Variants in RMP24 observed in about 807,000 individuals in gnomAD.
The protein encoded by RMP24 is ribonuclease MRP subunit p24.
chr18:35,973,020 A>C, the RMP24 span: 3 of 1,387,158 alleles, frequency 2.2e-6, no homozygotes, highest in Non-Finnish European at 1.0e-6. Context: ...AAAAACAACA[A>C]CAACAAAGCC....
At chr18:35,977,406 G>T in the RMP24 span, 9 of 1,601,614 alleles carry the variant, frequency 5.6e-6, no homozygotes, top group South Asian at 8.9e-5. Flanking sequence ...TATTTTTATG[G>T]TAGTTGATCA....
the RMP24 span, among the ~76,000 whole-genome samples, chr18:35,974,434 G>C: frequency 6.6e-6 from 1 of 152,158 alleles, no homozygotes; most frequent in Admixed American, 6.5e-5. Context: ...GTGGTCTTTA[G>C]CTTTATAAGT....
At chr18:35,977,671 A>AT in the RMP24 span, 1 of 1,473,410 alleles carries the variant, frequency 6.8e-7, no homozygotes, top group Non-Finnish European at 9.2e-7. Flanking sequence ...TGTTTAATAT[A>AT]TACTCCCTAA....
chr18:35,972,784 C>T, the RMP24 span: 3 of 1,614,020 alleles, frequency 1.9e-6, no homozygotes, highest in South Asian at 1.1e-5. Context: ...GACAGCTGCC[C>T]GGGCCAAGCC....
the RMP24 span, chr18:35,972,874 C>T: frequency 2.9e-5 from 47 of 1,614,066 alleles, no homozygotes; most frequent in African/African-American, 1.3e-4. Context: ...AAGTCTCTTT[C>T]TCTTTTACAG....
chr18:35,977,348 T>C, the RMP24 span: 2 of 1,458,174 alleles, frequency 1.4e-6, no homozygotes, highest in Non-Finnish European at 1.9e-6. Flanking sequence ...AATGAACCTG[T>C]GGTTTATGGG....
chr18:35,975,241 A>G, the RMP24 span: 4 of 659,728 alleles, frequency 6.1e-6, no homozygotes, highest in Admixed American at 3.3e-5. Context: ...ACACTTCTCT[A>G]ATGATTAGTG....
At chr18:35,977,439 A>C in the RMP24 span, 1 of 1,613,616 alleles carries the variant, frequency 6.2e-7, no homozygotes, top group Non-Finnish European at 8.5e-7. Flanking sequence ...GCAACAGAAC[A>C]GTGAAACATC....
the RMP24 span, among the ~76,000 whole-genome samples, chr18:35,975,432 A>G: frequency 6.6e-6 from 1 of 152,176 alleles, no homozygotes; most frequent in Non-Finnish European, 1.5e-5. Context: ...TTTTCAGTTA[A>G]TGCTCCTTTG....
chr18:35,975,026 G>C, the RMP24 span: 1 of 1,614,060 alleles, frequency 6.2e-7, no homozygotes, highest in East Asian at 2.2e-5. Context: ...ATCGAGAAGC[G>C]AGAAACTATA....
At chr18:35,979,016 G>A in the RMP24 span, 1 of 1,555,604 alleles carries the variant, frequency 6.4e-7, no homozygotes, top group Non-Finnish European at 8.6e-7. Context: ...AGAAATGCCT[G>A]ATGTCAATTC....
the RMP24 span, chr18:35,972,696 T>G: frequency 6.3e-7 from 1 of 1,582,706 alleles, no homozygotes; most frequent in Non-Finnish European, 8.6e-7. Flanking sequence ...CTCACCTGGT[T>G]CCCGCGGCGA....
chr18:35,972,796 G>T, the RMP24 span: 3 of 1,614,148 alleles, frequency 1.9e-6, no homozygotes, highest in Non-Finnish European at 1.7e-6. Context: ...GGCCAAGCCC[G>T]CTACCTCCTG....
chr18:35,974,788 T>C, the RMP24 span: 2 of 994,980 alleles, frequency 2.0e-6, no homozygotes. Flanking sequence ...TTACTTAATG[T>C]GTATCTGCTT....
the RMP24 span, chr18:35,974,018 G>C: frequency 6.6e-6 from 1 of 152,276 alleles, no homozygotes; most frequent in Non-Finnish European, 1.5e-5. Flanking sequence ...ATACCTCTCT[G>C]ACGTACTCTT....
At chr18:35,976,750 T>C in the RMP24 span, among the ~76,000 whole-genome samples, 13 of 152,226 alleles carry the variant, frequency 8.5e-5, no homozygotes, top group Non-Finnish European at 1.8e-4. Flanking sequence ...AAAAAAATAT[T>C]AAATGCTTAC....
the RMP24 span, among the ~76,000 whole-genome samples, chr18:35,975,854 G>T: frequency 3.9e-5 from 6 of 152,202 alleles, no homozygotes; most frequent in African/African-American, 1.4e-4. Flanking sequence ...GTTTACCAGT[G>T]TTGGTCAGGT....
At chr18:35,977,676 C>T in the RMP24 span, 1 of 1,434,342 alleles carries the variant, frequency 7.0e-7, no homozygotes, top group South Asian at 1.3e-5. Flanking sequence ...AATATATACT[C>T]CCTAAATATG....
chr18:35,974,171 A>G, the RMP24 span, among the ~76,000 whole-genome samples: 2 of 152,156 alleles, frequency 1.3e-5, no homozygotes, highest in South Asian at 2.1e-4. Context: ...TCTCTATAAT[A>G]TCACTCAATG....
Sources: gnomAD v4.1 joint callset for allele counts (sites outside exome capture counted in the v4.1 genomes callset) on GRCh38, gnomAD v4.1.1 for gene constraint, MANE v1.5 for transcripts, NCBI Gene and HGNC (gene_info 2026-07-23, HGNC 2026-07-21) for gene names.